The following ONECUT2 variants were observed in gnomAD, a reference collection of about 807,000 sequenced individuals.
ONECUT2 encodes the protein one cut domain family member 2.
A neutral mutation model predicts 27.9 loss-of-function variants in ONECUT2; 10 were observed. The observed-to-expected ratio is 0.36, with a 90% CI of 0.22 to 0.61. The LOEUF is 0.61. Among genes scored for constraint, ONECUT2 ranks in the 20% least tolerant of loss-of-function variants. The pLI is 0.73. For missense variants in ONECUT2, 686 were observed against 721.0 expected (o/e 0.95, Z 0.56); for synonymous variants, 334 against 315.1 (o/e 1.06, Z -0.64).
rs536668740 is a variant in ONECUT2, at chr18:57,484,526, G to A, written c.*7803G>A. 6.5e-6 allele frequency: 1 copy of A among 152,780 alleles called. No homozygotes were observed. The highest frequency in any genetic ancestry group is 2.1e-4 in the South Asian group (1 of 4,830). 9.5% of individuals were successfully genotyped at this position (152,780 alleles called of 1,614,324 possible). ...TCGACATGTTCAAGATGCGAGTTCA[G>A]ATGCTGCTGTAATTGGATTCCTTAA... On this transcript the variant is annotated 3_prime_UTR_variant, in exon 2 of 2. Coordinates refer to ENST00000491143, the MANE Select transcript of ONECUT2 (RefSeq NM_004852.3).
chr18:57,456,742 T>C (rs1292436625), intron 1 of ONECUT2, among the ~76,000 whole-genome samples: 1 of 152,252 alleles, frequency 6.6e-6, no homozygotes, highest in Admixed American at 6.5e-5. Context: ...GTGTATATTT[T>C]ACCATAATTT....
At chr18:57,469,852 C>T (rs1424630832) in intron 1 of ONECUT2, among the ~76,000 whole-genome samples, 1 of 152,162 alleles carries the variant, frequency 6.6e-6, no homozygotes, top group African/African-American at 2.4e-5. Flanking sequence ...ATTAGCATCC[C>T]CACTCTATAG....
intron 1 of ONECUT2, among the ~76,000 whole-genome samples, chr18:57,442,094 C>A (rs1355318862): frequency 6.7e-6 from 1 of 148,838 alleles, no homozygotes; most frequent in South Asian, 2.2e-4. Flanking sequence ...TTCCTTCCCG[C>A]TTGTGGGGGA....
intron 1 of ONECUT2, among the ~76,000 whole-genome samples, chr18:57,475,607 A>T (rs2050377864): frequency 6.6e-6 from 1 of 152,138 alleles, no homozygotes; most frequent in Non-Finnish European, 1.5e-5. Flanking sequence ...GCTAAGGGAG[A>T]GGTCGTGACA....
chr18:57,486,666 A>G lies in ONECUT2; in HGVS notation c.*9943A>G, dbSNP rs1164812772. On this transcript the variant is annotated 3_prime_UTR_variant, in exon 2 of 2. Coordinates refer to ENST00000491143, the MANE Select transcript of ONECUT2 (RefSeq NM_004852.3). ...TTAGGTTGTGCTTTTGTAATAGATG[A>G]AAAAAGGTGCGCTTAAAAAGAAAAT... 6.6e-6 allele frequency: 1 copy of G among 152,642 alleles called. No homozygotes were observed. Among genetic ancestry groups the G allele is most frequent in the Non-Finnish European group, 1.5e-5 (1 of 68,034 alleles). 9.5% of individuals were successfully genotyped at this position (152,642 alleles called of 1,614,324 possible). A position where few individuals can be genotyped will look rare whatever the true frequency, so the allele number is the denominator to read the frequency against.
intron 1 of ONECUT2, among the ~76,000 whole-genome samples, chr18:57,438,817 G>C (rs1271374108): frequency 6.6e-6 from 1 of 151,190 alleles, no homozygotes; most frequent in Non-Finnish European, 1.5e-5. Context: ...TGTTGGTTCG[G>C]GGCAAGATAA....
At chr18:57,440,412 C>G (rs1425703327) in intron 1 of ONECUT2, among the ~76,000 whole-genome samples, 2 of 152,238 alleles carry the variant, frequency 1.3e-5, no homozygotes, top group African/African-American at 4.8e-5. Context: ...GCCCGAAAAT[C>G]GAGCCGAGCG....
Position 57,436,250 on chromosome 18 carries a change from C to T in ONECUT2, c.534C>T (p.His178=), listed in dbSNP as rs879272387. ...CTCACCCGCACCACCATCCGCACCA[C>T]CACCACCACCACCACCACCAGCGCC... is the stretch of plus-strand genomic sequence containing the variant. ...HHPHPHHHPH[H]HHHHHHQRLS... The change falls in exon 1 of 2, where the codon CAC becomes CAT. Residue 178 remains histidine (H), a synonymous_variant. Transcript: ENST00000491143. The surrounding 1 kb of genome is among the most constrained non-coding windows in gnomAD (Gnocchi z 5.9). The T allele has an allele frequency of 5.0e-6, 8 of 1,597,746 alleles. No homozygotes were observed. Among genetic ancestry groups the T allele is most frequent in the East Asian group, 2.3e-5 (1 of 44,380 alleles).
At chr18:57,445,001 A>G (rs990723249) in intron 1 of ONECUT2, among the ~76,000 whole-genome samples, 1 of 152,232 alleles carries the variant, frequency 6.6e-6, no homozygotes, top group African/African-American at 2.4e-5. Flanking sequence ...AGGGATAAAG[A>G]CAAAATAGAT....
intron 1 of ONECUT2, among the ~76,000 whole-genome samples, chr18:57,457,186 G>A (rs570452): frequency 0.11 from 16,598 of 152,070 alleles, 975 homozygotes; most frequent in Middle Eastern, 0.21. Flanking sequence ...CCACATCCTT[G>A]CCAACATTTG....
At chr18:57,470,827 GT>G (rs540949223) in intron 1 of ONECUT2, among the ~76,000 whole-genome samples, 2 of 151,932 alleles carry the variant, frequency 1.3e-5, no homozygotes, top group East Asian at 3.9e-4. Context: ...TCTACCCTCT[GT>G]TCGGGAATGG....
Position 57,478,718 on chromosome 18 carries a change from A to G in ONECUT2, c.*1995A>G, listed in dbSNP as rs183962565. On this transcript the variant is annotated 3_prime_UTR_variant, in exon 2 of 2. Coordinates refer to ENST00000491143, the MANE Select transcript of ONECUT2 (RefSeq NM_004852.3). ...TGTGCCTATGCAGTTTTTCAAAAGAACACGGAACAGAGCAACAGAAACCTC... is the reference window on the plus strand; with the variant it reads ...TGTGCCTATGCAGTTTTTCAAAAGAGCACGGAACAGAGCAACAGAAACCTC... The G allele has an allele frequency of 6.5e-6, 1 of 152,790 alleles. No individual in the cohort carries two copies. Among genetic ancestry groups the G allele is most frequent in the African/African-American group, 2.4e-5 (1 of 41,588 alleles). The allele number at this position is 152,790 out of a possible 1,614,324, so 9.5% of individuals were successfully genotyped here. A position where few individuals can be genotyped will look rare whatever the true frequency, so the allele number is the denominator to read the frequency against.
intron 1 of ONECUT2, among the ~76,000 whole-genome samples, chr18:57,448,702 A>G (rs1488212674): frequency 1.3e-5 from 2 of 152,258 alleles, no homozygotes; most frequent in Admixed American, 6.5e-5. Context: ...GCATCACTGC[A>G]TCTTACTAAA....
rs769966297 is a variant in ONECUT2 at position 57,436,540 on chromosome 18, A to G, written c.824A>G (p.Gln275Arg). ...ACTGCCATGCTGACCCGCGGTGAGC[A>G]ACACCTGTCCCGCGGCCTGGGCACC... ...HHTAMLTRGEQHLSRGLGTPP... is the reference protein window; with the variant it reads ...HHTAMLTRGERHLSRGLGTPP... Residue 275 changes from glutamine to arginine, a missense_variant, in exon 1 of 2, where the codon CAA becomes CGA. Physicochemically the swap from Gln to Arg is conservative, Grantham distance 43. This residue lies in a region of ONECUT2 where 511 missense variants were observed against 488.1 expected (regional missense o/e 1.05). Transcript: ENST00000491143. This position sits in a 1 kb window ranked among gnomAD's most constrained non-coding sequence, Gnocchi z 5.9. The G allele has an allele frequency of 6.2e-7, 1 of 1,612,484 alleles. No homozygotes were observed. Among genetic ancestry groups the G allele is most frequent in the Non-Finnish European group, 8.5e-7 (1 of 1,179,890 alleles).
At chr18:57,463,021 T>C (rs2252020) in intron 1 of ONECUT2, among the ~76,000 whole-genome samples, 145,449 of 152,212 alleles carry the variant, frequency 0.96, 69,838 homozygotes, top group East Asian at 1. Flanking sequence ...CATAAGCCAC[T>C]GTGCTCGGCC....
intron 1 of ONECUT2, among the ~76,000 whole-genome samples, chr18:57,456,670 G>A (rs1247894677): frequency 6.6e-6 from 1 of 152,190 alleles, no homozygotes; most frequent in Non-Finnish European, 1.5e-5. Flanking sequence ...GTACAAGAAT[G>A]TGAATATACT....
At chr18:57,456,172 A>T (rs1379648657) in intron 1 of ONECUT2, among the ~76,000 whole-genome samples, 1 of 152,238 alleles carries the variant, frequency 6.6e-6, no homozygotes, top group Non-Finnish European at 1.5e-5. Flanking sequence ...TGGAAATAGT[A>T]TGGCAGTTCC....
At position 57,468,143 on chromosome 18, in the gene ONECUT2, C is replaced by G. The variant is rs557009248; in HGVS notation, c.1229-8294C>G. On this transcript the variant is annotated intron_variant, in intron 1 of 1. Transcript: ENST00000491143. ...AGGGGAACCTAACAACCAAGAATGG[C>G]TCCACATCCATTTGCACAGTGTCCA... is the stretch of plus-strand genomic sequence containing the variant. 9.2e-5 allele frequency among the ~76,000 whole-genome samples: 14 copies of G among 152,336 alleles called. 1 individual carries two copies. In the East Asian group the frequency reaches 2.7e-3, roughly 29 times the overall value.
At chr18:57,437,192 G>GGCCC (rs2050147389) in intron 1 of ONECUT2, among the ~76,000 whole-genome samples, 1 of 107,924 alleles carries the variant, frequency 9.3e-6, no homozygotes, top group African/African-American at 4.4e-5. Flanking sequence ...TTCATTGACC[G>GGCCC]ACCCCCCCCC....
Sources: allele counts gnomAD v4.1 joint callset (sites outside exome capture counted in the v4.1 genomes callset), GRCh38; gene constraint gnomAD v4.1.1; regional missense constraint gnomAD v4.1.1; non-coding constraint Gnocchi (gnomAD v3.1); transcripts MANE v1.5; gene names NCBI Gene and HGNC (gene_info 2026-07-23, HGNC 2026-07-21).